Variants in CDYL2 observed in about 807,000 individuals in gnomAD.
CDYL2 encodes chromodomain Y-like protein 2.
Under a neutral mutation model 49.4 loss-of-function variants are expected in CDYL2, and 23 were observed. That is an observed-to-expected ratio of 0.47 (90% confidence interval 0.34 to 0.66). The LOEUF is 0.66. Among genes scored for constraint, CDYL2 ranks in the 30% least tolerant of loss-of-function variants. The pLI, the probability that CDYL2 is intolerant of heterozygous loss-of-function variation, is 0.01. For missense variants in CDYL2, 678 were observed against 656.4 expected, an observed-to-expected ratio of 1.03 and a Z score of -0.36; for synonymous variants, 360 against 268.8, an observed-to-expected ratio of 1.34 and a Z score of -3.32.
intron 1 of CDYL2, among the ~76,000 whole-genome samples, chr16:80,692,886 A>C (rs1910472475): frequency 6.6e-6 from 1 of 152,240 alleles, no homozygotes. Flanking sequence ...ATCAATGATC[A>C]GAGCATTTTT....
chr16:80,607,151 G>A (rs1014381338), intron 6 of CDYL2, among the ~76,000 whole-genome samples: 2 of 152,248 alleles, frequency 1.3e-5, no homozygotes, highest in African/African-American at 2.4e-5. Context: ...CCGCGTGAGT[G>A]TTGACTAACA....
chr16:80,698,885 G>C (rs1344088598), intron 1 of CDYL2, among the ~76,000 whole-genome samples: 1 of 151,968 alleles, frequency 6.6e-6, no homozygotes, highest in Non-Finnish European at 1.5e-5. Flanking sequence ...AGCAGTGTGA[G>C]AATGAACTAA....
intron 2 of CDYL2, among the ~76,000 whole-genome samples, chr16:80,664,953 CAA>C (rs1224441898): frequency 6.6e-6 from 1 of 152,150 alleles, no homozygotes; most frequent in East Asian, 1.9e-4. Context: ...TGGAGATTGT[CAA>C]TGTATTTGTC....
chr16:80,641,497 G>A (rs1473712322), intron 2 of CDYL2, among the ~76,000 whole-genome samples: 1 of 151,964 alleles, frequency 6.6e-6, no homozygotes, highest in African/African-American at 2.4e-5. Flanking sequence ...CCTAAAGGAA[G>A]CACTTCAATC....
intron 1 of CDYL2, among the ~76,000 whole-genome samples, chr16:80,703,789 C>G (rs1904321105): frequency 6.6e-6 from 1 of 152,182 alleles, no homozygotes; most frequent in South Asian, 2.1e-4. Context: ...GTCCTGCCCT[C>G]TTGACCTCTG....
At position 80,769,834 on chromosome 16, in the gene CDYL2, C is replaced by T. The variant is rs79604838; in HGVS notation, c.24+34316G>A. 4.7e-3 allele frequency among the ~76,000 whole-genome samples: 712 copies of T among 152,168 alleles called. 2 individuals carry two copies. Among genetic ancestry groups the T allele is most frequent in the African/African-American group, 0.016 (675 of 41,516 alleles). On this transcript the variant is annotated intron_variant, in intron 1 of 6. Coordinates refer to ENST00000570137, the MANE Select transcript of CDYL2 (RefSeq NM_152342.4). The stretch of plus-strand genomic sequence containing the variant: ...GAATCAGATTATTCATTTCCTAGTA[C>T]TAAAAACAAAATCAGACTTTATAAA...
At chr16:80,635,388 C>T (rs1269718478) in intron 2 of CDYL2, among the ~76,000 whole-genome samples, 7 of 152,104 alleles carry the variant, frequency 4.6e-5, no homozygotes, top group Admixed American at 2.0e-4. Flanking sequence ...ACAAAATCAA[C>T]GTGCAAAAAT....
chr16:80,733,825 A>G (rs955021771), intron 1 of CDYL2, among the ~76,000 whole-genome samples: 3 of 152,040 alleles, frequency 2.0e-5, no homozygotes, highest in Admixed American at 1.3e-4. Flanking sequence ...TCTGCCTTCA[A>G]TCTCCTTCCT....
At chr16:80,755,139 C>T (rs1341004003) in intron 1 of CDYL2, among the ~76,000 whole-genome samples, 1 of 152,276 alleles carries the variant, frequency 6.6e-6, no homozygotes, top group Admixed American at 6.5e-5. Flanking sequence ...CTATTTAATG[C>T]ACACATATAT....
chr16:80,680,005 C>G (rs1405205192), intron 2 of CDYL2, among the ~76,000 whole-genome samples: 1 of 152,214 alleles, frequency 6.6e-6, no homozygotes, highest in Non-Finnish European at 1.5e-5. Context: ...CCATAGGCCA[C>G]TTCCCATTGC....
chr16:80,692,070 A>T (rs1910438541), intron 1 of CDYL2, among the ~76,000 whole-genome samples: 1 of 152,206 alleles, frequency 6.6e-6, no homozygotes, highest in African/African-American at 2.4e-5. Context: ...AAGAGTTAAT[A>T]GAGATCCACC....
chr16:80,711,014 G>A (rs1431811102), intron 1 of CDYL2, among the ~76,000 whole-genome samples: 1 of 152,174 alleles, frequency 6.6e-6, no homozygotes, highest in Non-Finnish European at 1.5e-5. Context: ...AAACTAATTT[G>A]CAGCCCTGCT....
intron 2 of CDYL2, among the ~76,000 whole-genome samples, chr16:80,657,404 T>C (rs928037609): frequency 1.3e-5 from 2 of 152,116 alleles, no homozygotes; most frequent in South Asian, 2.1e-4. Context: ...ATATCCCCAA[T>C]TGTAAAGAAC....
intron 2 of CDYL2, among the ~76,000 whole-genome samples, chr16:80,638,601 C>T (rs776584510): frequency 6.0e-5 from 9 of 151,014 alleles, no homozygotes; most frequent in Admixed American, 1.3e-4. Flanking sequence ...ATCAAGACAG[C>T]GTGGTGTTGC....
At chr16:80,719,122 C>A (rs1038986700) in intron 1 of CDYL2, among the ~76,000 whole-genome samples, 3 of 152,144 alleles carry the variant, frequency 2.0e-5, no homozygotes, top group African/African-American at 7.2e-5. Flanking sequence ...ACACCTGTTA[C>A]GTGCCTGGCC....
intron 1 of CDYL2, among the ~76,000 whole-genome samples, chr16:80,724,447 T>C (rs989142671): frequency 2.0e-5 from 3 of 152,150 alleles, no homozygotes; most frequent in Admixed American, 1.3e-4. Flanking sequence ...AGAAAAAATC[T>C]GTAAAACTCT....
intron 3 of CDYL2, chr16:80,632,781 G>C: frequency 2.0e-6 from 1 of 491,500 alleles, no homozygotes; most frequent in East Asian, 3.7e-5. Flanking sequence ...AGTTCAGTGA[G>C]TCCCTCTCCC....
chr16:80,721,255 T>C (rs1904988738), intron 1 of CDYL2, among the ~76,000 whole-genome samples: 1 of 152,230 alleles, frequency 6.6e-6, no homozygotes, highest in African/African-American at 2.4e-5. Flanking sequence ...AGTAATTTAT[T>C]TAATCCTCCC....
intron 4 of CDYL2, among the ~76,000 whole-genome samples, chr16:80,618,349 G>C (rs11645914): frequency 0.14 from 20,830 of 152,222 alleles, 1,846 homozygotes; most frequent in Non-Finnish European, 0.19. Context: ...CCATGAATTT[G>C]GTTCTCAAGA....
Sources: gnomAD v4.1 joint callset for allele counts (sites outside exome capture counted in the v4.1 genomes callset) on GRCh38, gnomAD v4.1.1 for gene constraint, MANE v1.5 for transcripts, NCBI Gene and HGNC (gene_info 2026-07-23, HGNC 2026-07-21) for gene names.